Variants in VPS13D observed in about 807,000 individuals in gnomAD.
VPS13D encodes the protein vacuolar protein sorting 13 homolog D.
VPS13D carries 187 observed loss-of-function variants against 461.9 expected under a neutral mutation model. The ratio of observed to expected loss-of-function variants is 0.40; its 90% CI spans 0.36 to 0.46. The LOEUF is 0.46. Ranked by LOEUF, VPS13D falls within the 20% of genes least tolerant of loss-of-function variation. The probability of loss-of-function intolerance (pLI) is 0.60; values close to 1 mark genes in which losing one functional copy is unlikely to be tolerated. For synonymous variants in VPS13D, 1,951 were observed against 1,986.3 expected, an observed-to-expected ratio of 0.98 and a Z score of 0.47; for missense variants, 4,711 against 5,364.9, an observed-to-expected ratio of 0.88 and a Z score of 3.81.
At chr1:12,281,472 T>G (rs1396494451) in intron 20 of VPS13D, among the ~76,000 whole-genome samples, 1 of 152,184 alleles carries the variant, frequency 6.6e-6, no homozygotes, top group Non-Finnish European at 1.5e-5. Flanking sequence ...GCCACTTAAT[T>G]TGTTCTCCCA....
At chr1:12,348,756 C>G in intron 44 of VPS13D, 67 bp from the exon 45 acceptor site, 1 of 1,566,238 alleles carries the variant, frequency 6.4e-7, no homozygotes, top group Middle Eastern at 1.7e-4. Context: ...ACATTCTGAT[C>G]GATATTATTG....
chr1:12,393,289 C>T (rs1414046049), intron 60 of VPS13D, among the ~76,000 whole-genome samples: 1 of 152,214 alleles, frequency 6.6e-6, no homozygotes, highest in African/African-American at 2.4e-5. Flanking sequence ...AAGGTCTCTC[C>T]AAATAAGATT....
rs1643969276 is a variant in VPS13D, at chr1:12,362,708, T to G, written c.10142-12T>G. The G allele has an allele frequency of 6.2e-7, 1 of 1,612,234 alleles. No individual in the cohort carries two copies. The highest frequency in any genetic ancestry group is 1.1e-5 in the South Asian group (1 of 90,628). Reference sequence around the variant, plus strand: ...ATGGTTAACTCATAAAAGTGGTTCTTGTTATTTGTAGGTATTGATGTCAAG... The same window carrying G: ...ATGGTTAACTCATAAAAGTGGTTCTGGTTATTTGTAGGTATTGATGTCAAG... On this transcript the variant is annotated splice_polypyrimidine_tract_variant and intron_variant, in intron 50 of 69. Coordinates refer to ENST00000620676, the MANE Select transcript of VPS13D (RefSeq NM_015378.4).
chr1:12,503,323 G>A (rs556269934), intron 68 of VPS13D, among the ~76,000 whole-genome samples: 19 of 151,958 alleles, frequency 1.3e-4, no homozygotes, highest in Non-Finnish European at 2.1e-4. Flanking sequence ...CCTTAAAGGG[G>A]AGTTAAAACT....
Position 12,391,864 on chromosome 1 carries a change from T to A in VPS13D, c.11634+5530T>A, listed in dbSNP as rs561189845. 7.2e-5 allele frequency among the ~76,000 whole-genome samples: 11 copies of A among 152,288 alleles called. 1 individual carries two copies. The highest frequency in any genetic ancestry group is 1.3e-4 in the Admixed American group (2 of 15,294). ...CCCAAAAGATGTTTTGTGTTTTTTT[T>A]AAATATTTTTTTTGAGACAAGAATC... On this transcript the variant is annotated intron_variant, in intron 60 of 69. Coordinates refer to ENST00000620676, the MANE Select transcript of VPS13D (RefSeq NM_015378.4).
At chr1:12,378,378 GT>G (rs1644229869) in intron 55 of VPS13D, 49 bp from the exon 56 acceptor site, 1 of 1,502,948 alleles carries the variant, frequency 6.7e-7, no homozygotes, top group Admixed American at 2.2e-5. Flanking sequence ...GGAGCTAGCT[GT>G]GGCTGCCCAT....
intron 20 of VPS13D, among the ~76,000 whole-genome samples, chr1:12,282,313 C>CT (rs1322053722): frequency 6.6e-6 from 1 of 152,232 alleles, no homozygotes; most frequent in African/African-American, 2.4e-5. Context: ...GGCTGTTACT[C>CT]TAACTGGTGA....
intron 2 of VPS13D, among the ~76,000 whole-genome samples, chr1:12,237,674 A>G (rs569287221): frequency 9.3e-5 from 14 of 150,158 alleles, no homozygotes; most frequent in African/African-American, 3.4e-4. Flanking sequence ...ATAAATAAAT[A>G]AAATTAGCTG....
In VPS13D at chr1:12,277,972, G is replaced by A. The variant is rs753372963; in HGVS notation, c.4384G>A (p.Ala1462Thr). Residue 1462 changes from alanine to threonine, a missense_variant, in exon 19 of 70, where the codon GCC (alanine) becomes ACC (threonine). Coordinates refer to ENST00000620676, the MANE Select transcript of VPS13D (RefSeq NM_015378.4). ...MFCPPSGSGS[A>T]NSQEEAHFTR... ...TTGCCCACCTTCCGGGTCTGGCAGT[G>A]CCAACAGTCAGGAGGAAGCTCATTT... 2 of 1,614,212 alleles carry A rather than the reference G, an allele frequency of 1.2e-6. No individual in the cohort carries two copies. The highest frequency in any genetic ancestry group is 1.7e-6 in the Non-Finnish European group (2 of 1,180,034).
intron 39 of VPS13D, 28 bp from the exon 40 acceptor site, chr1:12,338,203 C>T (rs776519418): frequency 2.3e-5 from 36 of 1,586,386 alleles, no homozygotes; most frequent in Admixed American, 3.3e-5. Context: ...TATTCTTAGC[C>T]TCTAACTTTG....
At chr1:12,272,051 G>T (rs1641458208) in intron 17 of VPS13D, among the ~76,000 whole-genome samples, 1 of 152,160 alleles carries the variant, frequency 6.6e-6, no homozygotes, top group Admixed American at 6.5e-5. Flanking sequence ...AATTAGCTGG[G>T]CCTGGTAGCA....
chr1:12,385,217 G>A (rs754093348), intron 58 of VPS13D, 43 bp from the exon 59 acceptor site: 12 of 1,511,792 alleles, frequency 7.9e-6, no homozygotes, highest in African/African-American at 6.9e-5. Flanking sequence ...GTTTCAATAA[G>A]GAAGAGTGAA....
At chr1:12,475,640 A>G (rs567539942) in intron 67 of VPS13D, among the ~76,000 whole-genome samples, 7 of 152,348 alleles carry the variant, frequency 4.6e-5, no homozygotes, top group Non-Finnish European at 8.8e-5. Context: ...CAAGGGATTG[A>G]GTCTGTAGCC....
chr1:12,503,468 G>C (rs190426393), intron 68 of VPS13D, among the ~76,000 whole-genome samples: 1 of 152,090 alleles, frequency 6.6e-6, no homozygotes, highest in African/African-American at 2.4e-5. Context: ...ATAGGTGGGA[G>C]CCACCATGCT....
chr1:12,245,327 C>T (rs1004462092), intron 5 of VPS13D, among the ~76,000 whole-genome samples: 3 of 152,066 alleles, frequency 2.0e-5, no homozygotes, highest in Non-Finnish European at 1.5e-5. Flanking sequence ...TGTCATGTTC[C>T]CAAAAATTAC....
intron 60 of VPS13D, among the ~76,000 whole-genome samples, 153 bp from the exon 61 acceptor site, chr1:12,400,028 T>G (rs1644553529): frequency 6.6e-6 from 1 of 152,186 alleles, no homozygotes; most frequent in Non-Finnish European, 1.5e-5. Flanking sequence ...TTATTATGAC[T>G]GCCCTTTTGT....
rs373094675 is a variant in VPS13D at position 12,283,037 on chromosome 1, A to G, written c.4935A>G (p.Leu1645=). 2.5e-6 allele frequency: 4 copies of G among 1,614,204 alleles called. No homozygotes were observed. The African/African-American group carries it at 4.0e-5, about 16-fold the overall frequency. Residue 1645 remains leucine, a synonymous_variant, in exon 21 of 70, where the codon TTA becomes TTG. Coordinates refer to ENST00000620676, the MANE Select transcript of VPS13D (RefSeq NM_015378.4). ...LTLGAQGLVS[L]KFQDFEVEFS... is the part of the protein sequence containing the mutation. ...TGGGGGCCCAAGGTCTTGTGAGCTT[A>G]AAGTTTCAGGACTTTGAGGTGGAAT...
chr1:12,276,813 G>A lies in VPS13D; in HGVS notation c.3225G>A (p.Glu1075=). The part of the protein sequence containing the change: ...SVSLDKILTK[E]QESLIKLEYQ... The stretch of plus-strand genomic sequence containing the variant: ...CACTTGACAAAATTCTTACCAAAGA[G>A]CAAGAGTCCCTTATTAAGTTGGAAT... The change falls in exon 19 of 70, where the codon GAG becomes GAA. Residue 1075 remains glutamate, a synonymous_variant. Transcript: ENST00000620676. The surrounding 1 kb of genome is among the most constrained non-coding windows in gnomAD (Gnocchi z 4.5). 6.2e-7 allele frequency: 1 copy of A among 1,614,200 alleles called. No homozygotes were observed.
At chr1:12,478,390 C>CCATT (rs1267884363) in intron 67 of VPS13D, among the ~76,000 whole-genome samples, 1 of 152,202 alleles carries the variant, frequency 6.6e-6, no homozygotes, top group African/African-American at 2.4e-5. Context: ...GTTCTGTGTC[C>CCATT]CATTGATTGC....
Sources: gnomAD v4.1 joint callset for allele counts (sites outside exome capture counted in the v4.1 genomes callset) on GRCh38, gnomAD v4.1.1 for gene constraint, Gnocchi (gnomAD v3.1) non-coding constraint, MANE v1.5 for transcripts, NCBI Gene and HGNC (gene_info 2026-07-23, HGNC 2026-07-21) for gene names.